The following THSD4 variants were observed in gnomAD, a reference collection of about 807,000 sequenced individuals.
THSD4 encodes the protein thrombospondin type-1 domain-containing protein 4.
In THSD4, 69 loss-of-function variants were observed where a neutral mutation model predicts 119.0. The ratio of observed to expected loss-of-function variants is 0.58; its 90% confidence interval spans 0.48 to 0.71. The LOEUF (loss-of-function observed/expected upper bound fraction) is 0.71. THSD4 is among the 30% of genes least tolerant of loss of function. THSD4 has a pLI of 0.00. For missense variants in THSD4, 1,393 were observed against 1,391.1 expected, an observed-to-expected ratio of 1.00 and a Z score of -0.02; for synonymous variants, 524 against 540.4, an observed-to-expected ratio of 0.97 and a Z score of 0.42.
At chr15:71,561,136 G>A (rs562369490) in intron 7 of THSD4, among the ~76,000 whole-genome samples, 54 of 151,880 alleles carry the variant, frequency 3.6e-4, no homozygotes, top group Middle Eastern at 6.8e-3. Context: ...CACCACACCC[G>A]GCTCATTTTT....
intron 8 of THSD4, among the ~76,000 whole-genome samples, chr15:71,676,543 G>A (rs1467390333): frequency 1.3e-5 from 2 of 152,258 alleles, no homozygotes; most frequent in South Asian, 2.1e-4. Flanking sequence ...GCCTCCCAAA[G>A]TGCTGGGATT....
At chr15:71,474,044 A>G (rs563164178) in intron 7 of THSD4, among the ~76,000 whole-genome samples, 19 of 152,144 alleles carry the variant, frequency 1.2e-4, no homozygotes, top group Admixed American at 2.6e-4. Context: ...CTGGAACCCT[A>G]TGACCTCATC....
chr15:71,448,492 T>C (rs1007350952), intron 7 of THSD4, among the ~76,000 whole-genome samples: 5 of 152,242 alleles, frequency 3.3e-5, no homozygotes, highest in African/African-American at 1.2e-4. Flanking sequence ...AAACCGTATT[T>C]GCGTGGTTTG....
At chr15:71,711,372 TAACTC>T (rs1338295309) in intron 8 of THSD4, among the ~76,000 whole-genome samples, 1 of 152,088 alleles carries the variant, frequency 6.6e-6, no homozygotes, top group Non-Finnish European at 1.5e-5. Context: ...TGGTAAATAT[TAACTC>T]AAAGTAGACT....
At chr15:71,592,637 T>A (rs962942264) in intron 7 of THSD4, among the ~76,000 whole-genome samples, 1 of 151,850 alleles carries the variant, frequency 6.6e-6, no homozygotes, top group African/African-American at 2.4e-5. Flanking sequence ...CTTTTATAGA[T>A]AGGTCTGGGA....
intron 4 of THSD4, among the ~76,000 whole-genome samples, chr15:71,218,326 C>G (rs2043951092): frequency 6.6e-6 from 1 of 152,140 alleles, no homozygotes; most frequent in Non-Finnish European, 1.5e-5. Context: ...CGGGTGCCAA[C>G]TGAAGGGATG....
intron 8 of THSD4, among the ~76,000 whole-genome samples, chr15:71,664,128 G>A (rs1401586723): frequency 2.6e-5 from 4 of 151,604 alleles, no homozygotes. Flanking sequence ...GACTACAGGC[G>A]CTCACCACCA....
intron 7 of THSD4, among the ~76,000 whole-genome samples, chr15:71,580,966 G>A (rs1321807818): frequency 2.0e-5 from 3 of 151,750 alleles, no homozygotes; most frequent in Admixed American, 2.0e-4. Flanking sequence ...ATCCATCAAT[G>A]GACACTTAAG....
Position 71,190,892 on chromosome 15 carries a change from T to G in THSD4, c.100-24143T>G, listed in dbSNP as rs1285853261. Among the ~76,000 whole-genome samples the G allele has an allele frequency of 5.3e-5, 8 of 151,950 alleles. No individual in the cohort carries two copies. The East Asian group carries it at 1.5e-3, about 29-fold the overall frequency. ...CTCCCCAACTCTCAGCCCCATGGTT[T>G]TCCTCTCTGCTCAGTGCCAGCCCTC... is the stretch of plus-strand genomic sequence containing the variant. On this transcript the variant is annotated intron_variant, in intron 3 of 17. Transcript: ENST00000261862.
chr15:71,467,902 G>A (rs1369983750), intron 7 of THSD4, among the ~76,000 whole-genome samples: 1 of 150,362 alleles, frequency 6.7e-6, no homozygotes, highest in Non-Finnish European at 1.5e-5. Flanking sequence ...CAGCTGCAGT[G>A]CAGTGGCATG....
chr15:71,195,418 T>A (rs1295174438), intron 3 of THSD4, among the ~76,000 whole-genome samples: 1 of 152,088 alleles, frequency 6.6e-6, no homozygotes, highest in East Asian at 1.9e-4. Flanking sequence ...AGGAAGGACA[T>A]TTATCTTGTC....
intron 3 of THSD4, among the ~76,000 whole-genome samples, chr15:71,190,114 C>G (rs2043657829): frequency 6.6e-6 from 1 of 152,156 alleles, no homozygotes; most frequent in Non-Finnish European, 1.5e-5. Context: ...ATTTACTGAC[C>G]ACTGTGCTCT....
intron 7 of THSD4, among the ~76,000 whole-genome samples, chr15:71,644,061 C>T (rs1193031505): frequency 6.6e-6 from 1 of 152,170 alleles, no homozygotes; most frequent in Non-Finnish European, 1.5e-5. Context: ...AGCTTGAAAG[C>T]CACTGACCTG....
intron 8 of THSD4, among the ~76,000 whole-genome samples, chr15:71,672,714 T>C (rs2051558124): frequency 6.6e-6 from 1 of 152,254 alleles, no homozygotes; most frequent in Admixed American, 6.5e-5. Flanking sequence ...TTGAATTTTG[T>C]CAAAGGCCTT....
intron 6 of THSD4, among the ~76,000 whole-genome samples, chr15:71,378,563 A>G (rs188975584): frequency 6.6e-6 from 1 of 152,374 alleles, no homozygotes; most frequent in Admixed American, 6.5e-5. Context: ...TAGGAAAACA[A>G]TGTAATGCAG....
At chr15:71,411,459 T>A (rs1346532693) in intron 6 of THSD4, among the ~76,000 whole-genome samples, 1 of 152,180 alleles carries the variant, frequency 6.6e-6, no homozygotes, top group East Asian at 1.9e-4. Flanking sequence ...GGGCTTCTTT[T>A]TGAGCTGATG....
intron 6 of THSD4, among the ~76,000 whole-genome samples, chr15:71,329,033 T>G (rs562643661): frequency 6.6e-6 from 1 of 152,332 alleles, no homozygotes; most frequent in East Asian, 1.9e-4. Context: ...TTGTCTTATT[T>G]TAGCTTCAAG....
intron 11 of THSD4, among the ~76,000 whole-genome samples, chr15:71,741,027 G>A (rs887423708): frequency 6.6e-6 from 1 of 152,066 alleles, no homozygotes; most frequent in African/African-American, 2.4e-5. Context: ...TGTGTTTTTT[G>A]AATAAGTGAC....
intron 7 of THSD4, among the ~76,000 whole-genome samples, chr15:71,652,789 T>C (rs17797245): frequency 0.37 from 56,068 of 152,050 alleles, 11,307 homozygotes; most frequent in East Asian, 0.9. Flanking sequence ...GCCATAAGCT[T>C]GATTAAAACC....
Sources: gnomAD v4.1 joint callset for allele counts (sites outside exome capture counted in the v4.1 genomes callset) on GRCh38, gnomAD v4.1.1 for gene constraint, MANE v1.5 for transcripts, NCBI Gene and HGNC (gene_info 2026-07-23, HGNC 2026-07-21) for gene names.